The following ENPEP variants were observed in gnomAD, a reference collection of about 807,000 sequenced individuals.
The protein encoded by ENPEP is glutamyl aminopeptidase.
In ENPEP, 103 loss-of-function variants were observed where a neutral mutation model predicts 114.5. That is an observed-to-expected ratio of 0.90 (90% confidence interval 0.77 to 1.06). The LOEUF (loss-of-function observed/expected upper bound fraction) is 1.06, where lower values mean the gene tolerates loss of function less well. Ranked by LOEUF, ENPEP falls within the 50% of genes least tolerant of loss-of-function variation. ENPEP has a pLI of 0.00. For synonymous variants in ENPEP, 420 were observed against 422.0 expected (o/e 1.00, Z 0.06); for missense variants, 1,196 against 1,161.3 (o/e 1.03, Z -0.43).
At chr4:110,545,904 C>T (rs1240225452) in intron 13 of ENPEP, among the ~76,000 whole-genome samples, 1 of 151,946 alleles carries the variant, frequency 6.6e-6, no homozygotes, top group Non-Finnish European at 1.5e-5. Flanking sequence ...AGAGCAGCAG[C>T]CAAATAGCCT....
intron 3 of ENPEP, among the ~76,000 whole-genome samples, chr4:110,502,237 G>A (rs1052508987): frequency 1.2e-4 from 19 of 152,104 alleles, no homozygotes; most frequent in Non-Finnish European, 2.6e-4. Flanking sequence ...TATGTTGTCT[G>A]TTTACTCTAT....
At chr4:110,549,300 A>T in intron 14 of ENPEP, 46 bp from the exon 15 acceptor site, 1 of 1,450,526 alleles carries the variant, frequency 6.9e-7, no homozygotes, top group Non-Finnish European at 9.7e-7. Context: ...GATACTACTG[A>T]TATGTAGTAA....
At chr4:110,536,770 AT>A (rs1436994574) in intron 11 of ENPEP, among the ~76,000 whole-genome samples, 1 of 152,118 alleles carries the variant, frequency 6.6e-6, no homozygotes, top group Non-Finnish European at 1.5e-5. Context: ...ATTATTGCTA[AT>A]TGTAATCTTT....
chr4:110,557,995 C>T (rs1371671794), intron 18 of ENPEP, among the ~76,000 whole-genome samples: 1 of 134,726 alleles, frequency 7.4e-6, no homozygotes, highest in Non-Finnish European at 1.6e-5. Flanking sequence ...GATTTGTTCT[C>T]GATTAGTATT....
intron 3 of ENPEP, among the ~76,000 whole-genome samples, chr4:110,493,134 C>T (rs1445526640): frequency 1.3e-5 from 2 of 152,226 alleles, no homozygotes; most frequent in East Asian, 3.9e-4. Context: ...GGTCCTCTGA[C>T]CAAGGACATT....
At position 110,513,505 on chromosome 4, in the gene ENPEP, C is replaced by T. The variant is rs777408475; in HGVS notation, c.1399C>T (p.Pro467Ser). The T allele has an allele frequency of 6.8e-6, 11 of 1,613,198 alleles. No individual in the cohort carries two copies. The highest frequency in any genetic ancestry group is 1.3e-5 in the African/African-American group (1 of 74,828). Residue 467 changes from proline to serine, a missense_variant, in exon 7 of 20, where the codon CCT becomes TCT. Transcript: ENST00000265162. ...TCCAATTATTGTGACTGTGACAACC[C>T]CTGATGAAATAACATCTGTTTTTGA... is the stretch of plus-strand genomic sequence containing the variant. ...SHPIIVTVTTPDEITSVFDGI... is the reference protein window; with the variant it reads ...SHPIIVTVTTSDEITSVFDGI...
intron 10 of ENPEP, among the ~76,000 whole-genome samples, chr4:110,525,349 C>A (rs1578407874): frequency 1.3e-5 from 2 of 152,214 alleles, no homozygotes; most frequent in Admixed American, 6.5e-5. Flanking sequence ...AGCTGAGCCC[C>A]TCCTAGAGTG....
intron 7 of ENPEP, 42 bp downstream of exon 7, chr4:110,513,591 G>A: frequency 1.2e-6 from 2 of 1,604,784 alleles, no homozygotes; most frequent in Non-Finnish European, 1.7e-6. Context: ...TTCCTGTTTA[G>A]TGACTTTTCT....
At chr4:110,545,730 C>A (rs1435211728) in intron 13 of ENPEP, among the ~76,000 whole-genome samples, 1 of 151,946 alleles carries the variant, frequency 6.6e-6, no homozygotes, top group Non-Finnish European at 1.5e-5. Context: ...TTACCCATAT[C>A]CATTCCATTG....
chr4:110,555,953 T>G (rs921858077), intron 18 of ENPEP, among the ~76,000 whole-genome samples: 16 of 152,064 alleles, frequency 1.1e-4, no homozygotes, highest in African/African-American at 3.9e-4. Flanking sequence ...TTTCCTGGGG[T>G]GTACATATTT....
intron 17 of ENPEP, 62 bp from the exon 18 acceptor site, chr4:110,553,253 T>C: frequency 7.1e-7 from 1 of 1,415,950 alleles, no homozygotes; most frequent in Non-Finnish European, 9.5e-7. Context: ...TGTATTGGAA[T>C]TTAGCTAAGG....
intron 3 of ENPEP, among the ~76,000 whole-genome samples, chr4:110,498,100 T>A (rs1482857597): frequency 1.3e-5 from 2 of 152,236 alleles, no homozygotes; most frequent in African/African-American, 4.8e-5. Context: ...TACATTTTTA[T>A]TGAGCATCTA....
At chr4:110,487,047 A>G (rs1176136290) in intron 1 of ENPEP, among the ~76,000 whole-genome samples, 1 of 151,990 alleles carries the variant, frequency 6.6e-6, no homozygotes, top group Non-Finnish European at 1.5e-5. Flanking sequence ...TGGTTGAGCC[A>G]GATACTGGTC....
In ENPEP at chr4:110,548,164, TGTCTTTC is replaced by T; in HGVS notation, c.2001-11_2001-5del. On this transcript the variant is annotated splice_region_variant and splice_polypyrimidine_tract_variant and intron_variant, in intron 13 of 19. Transcript: ENST00000265162. ...GTTTTTTTTTTTTTTTTTTTTTTTTTGTCTTTCTCAGAGCTCAACTTCTAGATTATAA... is the reference window on the plus strand; with the variant it reads ...GTTTTTTTTTTTTTTTTTTTTTTTTTTCAGAGCTCAACTTCTAGATTATAA... 1 of 941,934 alleles carries T rather than the reference TGTCTTTC, an allele frequency of 1.1e-6. No homozygotes were observed. Among genetic ancestry groups the T allele is most frequent in the South Asian group, 3.3e-5 (1 of 30,392 alleles). The allele number at this position is 941,934 out of a possible 1,614,324, so 58.3% of individuals were successfully genotyped here.
chr4:110,524,844 A>C (rs1478246016), intron 10 of ENPEP, among the ~76,000 whole-genome samples: 1 of 152,144 alleles, frequency 6.6e-6, no homozygotes, highest in Non-Finnish European at 1.5e-5. Context: ...CTGCAGCCTC[A>C]ATCTCCTGAG....
chr4:110,531,844 T>A (rs1206229864), intron 11 of ENPEP, among the ~76,000 whole-genome samples: 1 of 152,146 alleles, frequency 6.6e-6, no homozygotes, highest in African/African-American at 2.4e-5. Context: ...GAATCCTTCT[T>A]TTTATATTTT....
At chr4:110,488,411 T>C in intron 1 of ENPEP, 130 bp from the exon 2 acceptor site, 1 of 1,236,042 alleles carries the variant, frequency 8.1e-7, no homozygotes, top group Non-Finnish European at 1.0e-6. Context: ...GTCTTCTAGA[T>C]GGAACCTCAT....
At chr4:110,552,077 C>T (rs1727311079) in intron 17 of ENPEP, among the ~76,000 whole-genome samples, 1 of 152,112 alleles carries the variant, frequency 6.6e-6, no homozygotes. Context: ...TCAGGTCTTC[C>T]AGTGTCCCTG....
At chr4:110,550,476 G>T (rs376389532) in intron 17 of ENPEP, among the ~76,000 whole-genome samples, 69 of 152,124 alleles carry the variant, frequency 4.5e-4, no homozygotes, top group African/African-American at 1.6e-3. Flanking sequence ...TAAGATCAAG[G>T]ATATCTAATG....
Sources: allele counts gnomAD v4.1 joint callset (sites outside exome capture counted in the v4.1 genomes callset), GRCh38; gene constraint gnomAD v4.1.1; transcripts MANE v1.5; gene names NCBI Gene and HGNC (gene_info 2026-07-23, HGNC 2026-07-21).